Variants in ITIH5 observed in about 807,000 individuals in gnomAD.
ITIH5 encodes inter-alpha-trypsin inhibitor heavy chain 5.
Under a neutral mutation model 77.5 loss-of-function variants are expected in ITIH5, and 65 were observed. The ratio of observed to expected loss-of-function variants is 0.84; its 90% CI spans 0.69 to 1.03. The LOEUF is 1.03. ITIH5 is among the 50% of genes least tolerant of loss of function. The pLI, the probability that ITIH5 is intolerant of heterozygous loss-of-function variation, is 0.00. For missense variants in ITIH5, 1,208 were observed against 1,213.1 expected, an observed-to-expected ratio of 1.00 and a Z score of 0.06; for synonymous variants, 525 against 494.3, an observed-to-expected ratio of 1.06 and a Z score of -0.82.
chr10:7,656,817 C>T (rs1238558168), intron 1 of ITIH5, among the ~76,000 whole-genome samples: 1 of 148,562 alleles, frequency 6.7e-6, no homozygotes, highest in Non-Finnish European at 1.5e-5. Context: ...GGTCTTGGCT[C>T]ACTGCAACCT....
chr10:7,603,686 C>T (rs536138717), intron 7 of ITIH5, among the ~76,000 whole-genome samples: 4 of 152,290 alleles, frequency 2.6e-5, no homozygotes, highest in Admixed American at 2.6e-4. Context: ...CGGGTTCACA[C>T]CATTCTCCTG....
At chr10:7,568,619 A>G (rs1036784674) in intron 12 of ITIH5, among the ~76,000 whole-genome samples, 1 of 152,212 alleles carries the variant, frequency 6.6e-6, no homozygotes, top group Non-Finnish European at 1.5e-5. Flanking sequence ...TGCATCACAC[A>G]TATCACCTGC....
chr10:7,588,498 CAG>C (rs2130982291), intron 7 of ITIH5, among the ~76,000 whole-genome samples: 1 of 152,328 alleles, frequency 6.6e-6, no homozygotes, highest in Admixed American at 6.5e-5. Flanking sequence ...GCCTGGGTGA[CAG>C]AGTGAAAATG....
chr10:7,639,714 C>G (rs1056898955), intron 4 of ITIH5, among the ~76,000 whole-genome samples: 12 of 152,264 alleles, frequency 7.9e-5, no homozygotes, highest in African/African-American at 2.6e-4. Flanking sequence ...CTAGGTGGCT[C>G]TGCATGCAGT....
At chr10:7,563,783 G>T (rs756861899) in intron 13 of ITIH5, among the ~76,000 whole-genome samples, 2 of 152,224 alleles carry the variant, frequency 1.3e-5, no homozygotes, top group Non-Finnish European at 2.9e-5. Flanking sequence ...GTGCCGGGTG[G>T]GGGTGGAAAG....
chr10:7,565,001 T>C (rs1278744192), intron 13 of ITIH5, among the ~76,000 whole-genome samples: 1 of 136,982 alleles, frequency 7.3e-6, no homozygotes, highest in African/African-American at 3.3e-5. Context: ...ATATAGACTG[T>C]ATACCTACAT....
At chr10:7,624,303 G>A (rs1201517780) in intron 5 of ITIH5, among the ~76,000 whole-genome samples, 1 of 146,174 alleles carries the variant, frequency 6.8e-6, no homozygotes, top group Non-Finnish European at 1.5e-5. Flanking sequence ...AGGTGGGGAG[G>A]TCGAGACCAG....
At chr10:7,658,797 G>T (rs951965419) in intron 1 of ITIH5, among the ~76,000 whole-genome samples, 1 of 152,128 alleles carries the variant, frequency 6.6e-6, no homozygotes, top group East Asian at 1.9e-4. Flanking sequence ...TTATCATGCA[G>T]ATGAAGCCCC....
intron 4 of ITIH5, among the ~76,000 whole-genome samples, chr10:7,640,248 A>C (rs1279809489): frequency 6.6e-6 from 1 of 151,164 alleles, no homozygotes; most frequent in African/African-American, 2.4e-5. Flanking sequence ...AAGTGCGAGG[A>C]CTGCTTGAGC....
chr10:7,604,206 C>T (rs999136862), intron 7 of ITIH5, among the ~76,000 whole-genome samples: 1 of 152,180 alleles, frequency 6.6e-6, no homozygotes, highest in Non-Finnish European at 1.5e-5. Context: ...CCTTGCCCCC[C>T]AACCTCCAAA....
intron 1 of ITIH5, among the ~76,000 whole-genome samples, chr10:7,656,286 C>T (rs1251103173): frequency 2.0e-5 from 3 of 152,196 alleles, no homozygotes; most frequent in Non-Finnish European, 2.9e-5. Context: ...GCGATCACAG[C>T]TCACTGCAGC....
At chr10:7,620,848 G>A (rs955938345) in intron 5 of ITIH5, 6 of 150,120 alleles carry the variant, frequency 4.0e-5, no homozygotes, top group Non-Finnish European at 7.4e-5. Flanking sequence ...AAGCTGTCCT[G>A]TTGGGATCGG....
chr10:7,611,402 T>C (rs1362579728), intron 7 of ITIH5, among the ~76,000 whole-genome samples: 1 of 152,230 alleles, frequency 6.6e-6, no homozygotes, highest in African/African-American at 2.4e-5. Context: ...GTTCATTAGT[T>C]TTTCTCTGGA....
At chr10:7,653,391 A>G (rs1834131760) in intron 2 of ITIH5, among the ~76,000 whole-genome samples, 1 of 152,098 alleles carries the variant, frequency 6.6e-6, no homozygotes, top group Admixed American at 6.6e-5. Context: ...ATTTTTTAGT[A>G]GAGATGGGGT....
At chr10:7,644,306 T>A (rs1447418466) in intron 2 of ITIH5, among the ~76,000 whole-genome samples, 1 of 148,716 alleles carries the variant, frequency 6.7e-6, no homozygotes, top group Admixed American at 6.8e-5. Context: ...ATCATACATA[T>A]CACATATATA....
At chr10:7,646,887 T>A (rs974597653) in intron 2 of ITIH5, among the ~76,000 whole-genome samples, 1 of 152,146 alleles carries the variant, frequency 6.6e-6, no homozygotes, top group Non-Finnish European at 1.5e-5. Context: ...AAAATCACAA[T>A]GCATTACTTC....
rs1168960664 is a variant in ITIH5, at chr10:7,585,832, AAAAAAAAACC to A, written c.1108+59_1108+68del. ...CAAATCCTTATCTCTTGGCAAAAAA[AAAAAAAAACC>A]AAAAAAAAAAACATTATTTCAAAGC... On this transcript the variant is annotated intron_variant, in intron 8 of 13. Transcript: ENST00000397146. The A allele has an allele frequency of 4.0e-5, 56 of 1,415,958 alleles. No homozygotes were observed. The African/African-American group carries it at 6.7e-4, about 17-fold the overall frequency. The allele number at this position is 1,415,958 out of a possible 1,614,324, so 87.7% of individuals were successfully genotyped here. A position where few individuals can be genotyped will look rare whatever the true frequency, so the allele number is the denominator to read the frequency against.
chr10:7,610,196 A>G (rs750613109), intron 7 of ITIH5, among the ~76,000 whole-genome samples: 11 of 151,534 alleles, frequency 7.3e-5, no homozygotes, highest in Non-Finnish European at 1.6e-4. Flanking sequence ...CATCTGCAAA[A>G]GCACACGGGA....
In ITIH5 at chr10:7,609,309, T is replaced by C. The variant is rs139288255; in HGVS notation, c.939+6673A>G. 1.6e-3 allele frequency: 602 copies of C among 386,686 alleles called. 2 individuals carry two copies. Among genetic ancestry groups the C allele is most frequent in the African/African-American group, 8.6e-3 (415 of 48,014 alleles). The allele number at this position is 386,686 out of a possible 1,614,324, so 24.0% of individuals were successfully genotyped here. A position where few individuals can be genotyped will look rare whatever the true frequency, so the allele number is the denominator to read the frequency against. ...GATACATTTATTGTTTGTGGGCTGG[T>C]AGTTTGGCAGCAAATGTCATTACCC... On this transcript the variant is annotated intron_variant, in intron 7 of 13. Transcript: ENST00000397146.
Sources: allele counts gnomAD v4.1 joint callset (sites outside exome capture counted in the v4.1 genomes callset), GRCh38; gene constraint gnomAD v4.1.1; transcripts MANE v1.5; gene names NCBI Gene and HGNC (gene_info 2026-07-23, HGNC 2026-07-21).